The following GRM8 variants were observed in gnomAD, a reference collection of about 807,000 sequenced individuals.
The protein encoded by GRM8 is metabotropic glutamate receptor 8.
In GRM8, 47 loss-of-function variants were observed where a neutral mutation model predicts 87.2. That is an observed-to-expected ratio of 0.54 (90% CI 0.43 to 0.69). GRM8 has a LOEUF of 0.69. Among genes scored for constraint, GRM8 ranks in the 30% least tolerant of loss-of-function variants. The pLI is 0.00. For synonymous variants in GRM8, 396 were observed against 404.5 expected (o/e 0.98, Z 0.25); for missense variants, 1,019 against 1,139.2 (o/e 0.89, Z 1.52).
intron 6 of GRM8, among the ~76,000 whole-genome samples, chr7:126,877,614 C>T (rs537635693): frequency 4.6e-5 from 7 of 152,274 alleles, no homozygotes; most frequent in East Asian, 3.9e-4. Context: ...ACCTGAAATG[C>T]GGTCCACCAA....
intron 9 of GRM8, among the ~76,000 whole-genome samples, chr7:126,468,093 C>T (rs1804718461): frequency 6.6e-6 from 1 of 152,014 alleles, no homozygotes; most frequent in Non-Finnish European, 1.5e-5. Context: ...GAAATTGCCT[C>T]ATAAACCATG....
chr7:126,827,073 A>G (rs1360667513), intron 6 of GRM8, among the ~76,000 whole-genome samples: 1 of 152,116 alleles, frequency 6.6e-6, no homozygotes, highest in African/African-American at 2.4e-5. Flanking sequence ...CCATTGATCT[A>G]TATCTCTGTT....
At chr7:126,982,297 A>C (rs182304013) in intron 3 of GRM8, among the ~76,000 whole-genome samples, 184 of 152,248 alleles carry the variant, frequency 1.2e-3, no homozygotes, top group African/African-American at 4.3e-3. Flanking sequence ...CAGCCCACTG[A>C]CTCAAATGTT....
chr7:126,716,546 A>C (rs1811766660), intron 7 of GRM8, among the ~76,000 whole-genome samples: 2 of 152,152 alleles, frequency 1.3e-5, no homozygotes, highest in African/African-American at 4.8e-5. Flanking sequence ...TTCATGATGC[A>C]TCACTCAGGA....
intron 3 of GRM8, among the ~76,000 whole-genome samples, chr7:127,070,595 A>AACAATGAGCTAGCACAGGG (rs1821578737): frequency 2.0e-5 from 3 of 152,182 alleles, no homozygotes; most frequent in Admixed American, 2.0e-4. Flanking sequence ...GCTCATTGAA[A>AACAATGAGCTAGCACAGGG]ACAATGAGCT....
chr7:126,688,385 A>T (rs1375982963), intron 7 of GRM8, among the ~76,000 whole-genome samples: 1 of 152,232 alleles, frequency 6.6e-6, no homozygotes, highest in African/African-American at 2.4e-5. Flanking sequence ...TGAGTGAGAG[A>T]GCAGTACTCT....
intron 7 of GRM8, among the ~76,000 whole-genome samples, chr7:126,663,543 T>C (rs1275801013): frequency 6.6e-6 from 1 of 152,146 alleles, no homozygotes; most frequent in Non-Finnish European, 1.5e-5. Context: ...TAAAACCACA[T>C]GTAATCATTT....
intron 8 of GRM8, among the ~76,000 whole-genome samples, chr7:126,548,849 C>T (rs1363051375): frequency 6.6e-6 from 1 of 151,994 alleles, no homozygotes; most frequent in African/African-American, 2.4e-5. Flanking sequence ...CTGCCATCTT[C>T]GAAACGAGCT....
At chr7:126,578,783 T>C (rs927542989) in intron 8 of GRM8, among the ~76,000 whole-genome samples, 1 of 152,214 alleles carries the variant, frequency 6.6e-6, no homozygotes, top group African/African-American at 2.4e-5. Context: ...TTCAGTTCTC[T>C]AATTTTAGTA....
At chr7:126,483,404 C>G (rs1806950371) in intron 9 of GRM8, among the ~76,000 whole-genome samples, 1 of 148,310 alleles carries the variant, frequency 6.7e-6, no homozygotes, top group South Asian at 2.1e-4. Flanking sequence ...TTATGTATAA[C>G]TAAAATAAAA....
intron 3 of GRM8, among the ~76,000 whole-genome samples, chr7:127,090,602 T>G (rs1328822381): frequency 6.6e-6 from 1 of 152,260 alleles, no homozygotes; most frequent in African/African-American, 2.4e-5. Context: ...TTTAGCAACC[T>G]GGGTGTCAAT....
rs557032391 is a variant in GRM8 at position 126,775,478 on chromosome 7, G to A, written c.1157-5413C>T. Among the ~76,000 whole-genome samples, 499 of 114,170 alleles carry A rather than the reference G, an allele frequency of 4.4e-3. 6 individuals are homozygous for A. The South Asian group carries it at 0.047, about 11-fold the overall frequency. 74.9% of individuals were successfully genotyped at this position (114,170 alleles called of 152,430 possible). ...GTGAGCGCTATCAAGCTGACAAATA[G>A]GTTTTTTTTTTTTTTTTTTTTTTTT... is the stretch of plus-strand genomic sequence containing the variant. On this transcript the variant is annotated intron_variant, in intron 6 of 10. Transcript: ENST00000339582.
At position 126,473,338 on chromosome 7, in the gene GRM8, T is replaced by C. The variant is rs534600856; in HGVS notation, c.2431-26966A>G. Among the ~76,000 whole-genome samples the C allele has an allele frequency of 2.1e-4, 32 of 152,294 alleles. No individual in the cohort carries two copies. In the South Asian group the frequency reaches 6.2e-3, roughly 30 times the overall value. On this transcript the variant is annotated intron_variant, in intron 9 of 10. Coordinates refer to ENST00000339582, the MANE Select transcript of GRM8 (RefSeq NM_000845.3). ...ATCAGCATGACCTGGATGTGAAACATGTAGTCAAAGGAGATCATTTTGGAG... is the reference window on the plus strand; with the variant it reads ...ATCAGCATGACCTGGATGTGAAACACGTAGTCAAAGGAGATCATTTTGGAG...
chr7:126,691,534 C>T (rs1808811451), intron 7 of GRM8, among the ~76,000 whole-genome samples: 1 of 152,180 alleles, frequency 6.6e-6, no homozygotes, highest in African/African-American at 2.4e-5. Flanking sequence ...CCTGAGAGGG[C>T]TCAGCCCTGG....
chr7:126,600,845 C>A (rs1651673650), intron 8 of GRM8, among the ~76,000 whole-genome samples: 1 of 151,998 alleles, frequency 6.6e-6, no homozygotes, highest in Admixed American at 6.6e-5. Flanking sequence ...TAAACAAATA[C>A]ACAGCTTTAA....
chr7:126,453,068 GAAACACACAC>G (rs1369750813), intron 9 of GRM8, among the ~76,000 whole-genome samples: 1 of 111,446 alleles, frequency 9.0e-6, no homozygotes, highest in Non-Finnish European at 1.8e-5. Context: ...CTTTATAGCA[GAAACACACAC>G]ACACACACAC....
chr7:126,672,381 G>A (rs1338604853), intron 7 of GRM8, among the ~76,000 whole-genome samples: 2 of 152,150 alleles, frequency 1.3e-5, no homozygotes, highest in African/African-American at 4.8e-5. Flanking sequence ...AGGGATGCCT[G>A]CTCCCCTTTT....
chr7:127,114,308 G>A (rs1439662746), intron 2 of GRM8, among the ~76,000 whole-genome samples: 2 of 152,108 alleles, frequency 1.3e-5, no homozygotes, highest in Non-Finnish European at 2.9e-5. Context: ...GAAGCCTATT[G>A]AAATGGGGAA....
intron 8 of GRM8, among the ~76,000 whole-genome samples, chr7:126,573,743 G>C (rs1794883961): frequency 6.6e-6 from 1 of 151,864 alleles, no homozygotes; most frequent in Non-Finnish European, 1.5e-5. Context: ...GTGCCACCAT[G>C]CCTGGCTAAT....
Sources: gnomAD v4.1 joint callset for allele counts (sites outside exome capture counted in the v4.1 genomes callset) on GRCh38, gnomAD v4.1.1 for gene constraint, MANE v1.5 for transcripts, NCBI Gene and HGNC (gene_info 2026-07-23, HGNC 2026-07-21) for gene names.